The following ANKRD30BL variants were observed in gnomAD, a reference collection of about 807,000 sequenced individuals.
The protein encoded by ANKRD30BL is putative ankyrin repeat domain-containing protein 30B-like.
A neutral mutation model predicts 18.4 loss-of-function variants in ANKRD30BL; 20 were observed. The observed-to-expected ratio is 1.09, with a 90% confidence interval of 0.77 to 1.58. ANKRD30BL has a LOEUF of 1.58. Among genes scored for constraint, ANKRD30BL ranks in the 40% most tolerant of loss-of-function variants. The probability of loss-of-function intolerance (pLI) is 0.00; values close to 1 mark genes in which losing one functional copy is unlikely to be tolerated. For synonymous variants in ANKRD30BL, 72 were observed against 100.9 expected (o/e 0.71, Z 1.72); for missense variants, 224 against 268.6 (o/e 0.83, Z 1.16).
rs1296167532 is a variant in ANKRD30BL, at chr2:132,194,071, A to ACT, written n.442-36926_442-36925insAG. 9.1e-4 allele frequency among the ~76,000 whole-genome samples: 138 copies of ACT among 151,204 alleles called. 1 individual carries two copies. The East Asian group carries it at 0.023, about 25-fold the overall frequency. ...CTCTCTCTCTCACACACACACACAC[A>ACT]CACTCACACACACACACACACTCCC... On this transcript the variant is annotated intron_variant and non_coding_transcript_variant, in intron 1 of 4. Transcript: ENST00000470729.
intron 1 of ANKRD30BL, among the ~76,000 whole-genome samples, chr2:132,193,433 C>A (rs1456734213): frequency 1.3e-5 from 2 of 152,156 alleles, no homozygotes; most frequent in Non-Finnish European, 2.9e-5. Flanking sequence ...GTTCACAGAT[C>A]CTGAGCCAGG....
At chr2:132,236,875 C>T (rs1231336972) in intron 1 of ANKRD30BL, among the ~76,000 whole-genome samples, 4 of 151,626 alleles carry the variant, frequency 2.6e-5, no homozygotes, top group African/African-American at 9.7e-5. Flanking sequence ...GGAACCAACC[C>T]AAATGTCCAA....
chr2:132,193,502 T>A (rs1024372828), intron 1 of ANKRD30BL, among the ~76,000 whole-genome samples: 4 of 152,000 alleles, frequency 2.6e-5, no homozygotes, highest in African/African-American at 9.7e-5. Flanking sequence ...CCACATGGTA[T>A]AGCATCTGAC....
At chr2:132,153,134 A>G (rs1289507430) in intron 4 of ANKRD30BL, among the ~76,000 whole-genome samples, 2 of 152,106 alleles carry the variant, frequency 1.3e-5, no homozygotes, top group African/African-American at 4.8e-5. Flanking sequence ...AACAAAATGA[A>G]GAGAATGGCC....
At chr2:132,175,217 C>T (rs891231403) in intron 1 of ANKRD30BL, among the ~76,000 whole-genome samples, 1 of 151,528 alleles carries the variant, frequency 6.6e-6, no homozygotes, top group Admixed American at 6.6e-5. Flanking sequence ...TTTTCATTAT[C>T]TCAGCAAGAG....
At position 132,150,546 on chromosome 2, in the gene ANKRD30BL, G is replaced by A. The variant is rs201690013; in HGVS notation, c.679+366C>T. 1.8e-4 allele frequency among the ~76,000 whole-genome samples: 27 copies of A among 151,322 alleles called. No homozygotes were observed. The East Asian group carries it at 4.7e-3, about 26-fold the overall frequency. ...TACTGAGCTCATCAATCACACCAAG[G>A]ATTATACATTTTATAACAAGCATAA... On this transcript the variant is annotated intron_variant, in intron 5 of 5. Transcript: ENST00000409867.
chr2:132,222,832 T>TAAAAAAAAAAAAAAAAAAAAAAAAAAA lies in ANKRD30BL; in HGVS notation n.441+34670_441+34696dup, dbSNP rs71001178. Among the ~76,000 whole-genome samples the TAAAAAAAAAAAAAAAAAAAAAAAAAAA allele has an allele frequency of 3.8e-5, 2 of 52,806 alleles. 1 individual carries two copies. Among genetic ancestry groups the TAAAAAAAAAAAAAAAAAAAAAAAAAAA allele is most frequent in the Non-Finnish European group, 7.5e-5 (2 of 26,664 alleles). 34.6% of individuals were successfully genotyped at this position (52,806 alleles called of 152,430 possible). A position where few individuals can be genotyped will look rare whatever the true frequency, so the allele number is the denominator to read the frequency against. ...GTGAGAAACAGCCAAGAATGATCAA[T>TAAAAAAAAAAAAAAAAAAAAAAAAAAA]AAAAAAAAAAAAAAAAAAAAAAAAA... On this transcript the variant is annotated intron_variant and non_coding_transcript_variant, in intron 1 of 4. Transcript: ENST00000470729.
chr2:132,179,041 T>C (rs1439568332), intron 1 of ANKRD30BL, among the ~76,000 whole-genome samples: 3 of 151,518 alleles, frequency 2.0e-5, no homozygotes, highest in Non-Finnish European at 4.4e-5. Flanking sequence ...TTTCAGTAAA[T>C]GGTGGACCAC....
At chr2:132,256,577 G>C (rs904879850) in intron 1 of ANKRD30BL, among the ~76,000 whole-genome samples, 1 of 152,198 alleles carries the variant, frequency 6.6e-6, no homozygotes, top group African/African-American at 2.4e-5. Context: ...GCGGCCCCTC[G>C]CGGCACCTGG....
chr2:132,232,686 GAA>G (rs1680056210), intron 1 of ANKRD30BL, among the ~76,000 whole-genome samples: 1 of 152,158 alleles, frequency 6.6e-6, no homozygotes. Flanking sequence ...GGGACTATGT[GAA>G]AAGACCAAAT....
intron 1 of ANKRD30BL, among the ~76,000 whole-genome samples, chr2:132,167,515 G>A (rs1231188966): frequency 1.3e-5 from 2 of 152,032 alleles, no homozygotes; most frequent in Non-Finnish European, 2.9e-5. Flanking sequence ...TAGAGACGGT[G>A]TTTCATCATG....
At chr2:132,254,117 C>G (rs1336604331) in intron 1 of ANKRD30BL, among the ~76,000 whole-genome samples, 1 of 152,030 alleles carries the variant, frequency 6.6e-6, no homozygotes, top group Non-Finnish European at 1.5e-5. Flanking sequence ...CCACTGCTCA[C>G]CAGGCTGCGA....
chr2:132,220,834 G>A (rs908300218), intron 1 of ANKRD30BL, among the ~76,000 whole-genome samples: 1 of 150,544 alleles, frequency 6.6e-6, no homozygotes, highest in Non-Finnish European at 1.5e-5. Flanking sequence ...CATCGTCTGG[G>A]ATATGAGGAG....
intron 1 of ANKRD30BL, among the ~76,000 whole-genome samples, chr2:132,235,969 T>C (rs1680140629): frequency 6.6e-6 from 1 of 152,092 alleles, no homozygotes; most frequent in African/African-American, 2.4e-5. Context: ...CAAAACAGCA[T>C]GGTACTGGTA....
chr2:132,225,687 T>A (rs559808393), intron 1 of ANKRD30BL, among the ~76,000 whole-genome samples: 205 of 151,840 alleles, frequency 1.4e-3, no homozygotes, highest in Non-Finnish European at 2.2e-3. Context: ...AGATAGAAGT[T>A]TTTTCCGAAA....
intron 1 of ANKRD30BL, among the ~76,000 whole-genome samples, chr2:132,231,004 C>A (rs576084996): frequency 2.6e-5 from 4 of 152,250 alleles, no homozygotes; most frequent in Admixed American, 2.0e-4. Context: ...AATCACTAGA[C>A]AGAAGATTTC....
At chr2:132,181,940 C>T (rs935828629) in intron 1 of ANKRD30BL, among the ~76,000 whole-genome samples, 1 of 151,818 alleles carries the variant, frequency 6.6e-6, no homozygotes, top group African/African-American at 2.4e-5. Flanking sequence ...GGAGAAACCC[C>T]ATCTCTACGA....
chr2:132,176,395 G>A (rs1342777023), intron 1 of ANKRD30BL, among the ~76,000 whole-genome samples: 1 of 152,130 alleles, frequency 6.6e-6, no homozygotes, highest in Non-Finnish European at 1.5e-5. Flanking sequence ...AGGCATGGTG[G>A]CACATGCCTG....
chr2:132,200,296 C>A (rs1679069280), intron 1 of ANKRD30BL, among the ~76,000 whole-genome samples: 1 of 151,364 alleles, frequency 6.6e-6, no homozygotes, highest in Non-Finnish European at 1.5e-5. Context: ...CTGGCCAGGG[C>A]AATCAGGCAG....
Sources: gnomAD v4.1 joint callset for allele counts (sites outside exome capture counted in the v4.1 genomes callset) on GRCh38, gnomAD v4.1.1 for gene constraint, MANE v1.5 for transcripts, NCBI Gene and HGNC (gene_info 2026-07-23, HGNC 2026-07-21) for gene names.